The following MEN1 variants were observed in gnomAD, a reference collection of about 807,000 sequenced individuals.
MEN1 encodes the protein menin.
In MEN1, 6 loss-of-function variants were observed where a neutral mutation model predicts 58.0. The ratio of observed to expected loss-of-function variants is 0.10; its 90% confidence interval spans 0.06 to 0.20. The LOEUF (loss-of-function observed/expected upper bound fraction) is 0.20, where lower values mean the gene tolerates loss of function less well. MEN1 is among the 10% of genes least tolerant of loss of function. The pLI is 1.00. For synonymous variants in MEN1, 346 were observed against 350.7 expected, an observed-to-expected ratio of 0.99 and a Z score of 0.15; for missense variants, 492 against 818.5, an observed-to-expected ratio of 0.60 and a Z score of 4.87.
Position 64,805,871 on chromosome 11 carries a change from G to A in MEN1, c.1050-101C>T, listed in dbSNP as rs1592641451. 29 of 1,195,516 alleles carry A rather than the reference G, an allele frequency of 2.4e-5. No individual in the cohort carries two copies. The East Asian group carries it at 6.5e-4, about 27-fold the overall frequency. 74.1% of individuals were successfully genotyped at this position (1,195,516 alleles called of 1,614,324 possible). A position where few individuals can be genotyped will look rare whatever the true frequency, so the allele number is the denominator to read the frequency against. ...GATGGAGCCCCCAGGGGCTGGGGGA[G>A]TAGGTGGGGTCCTCACTGCAAAATG... On this transcript the variant is annotated intron_variant, in intron 7 of 9. Transcript: ENST00000450708.
intron 6 of MEN1, 24 bp from the exon 7 acceptor site, chr11:64,806,392 TC>T (rs1255484292): frequency 6.2e-7 from 1 of 1,613,848 alleles, no homozygotes; most frequent in Non-Finnish European, 8.5e-7. Context: ...AGGCAGAGGA[TC>T]CTCAGGGAGG....
At position 64,807,714 on chromosome 11, in the gene MEN1, T is replaced by C; in HGVS notation, c.655-34A>G. The C allele has an allele frequency of 6.2e-7, 1 of 1,614,030 alleles. No individual in the cohort carries two copies. The highest frequency in any genetic ancestry group is 8.5e-7 in the Non-Finnish European group (1 of 1,180,024). On this transcript the variant is annotated intron_variant, in intron 3 of 9. Transcript: ENST00000450708. The surrounding 1 kb of genome is among the most constrained non-coding windows in gnomAD (Gnocchi z 4.9). ...GGGATGAGATCATTATGTCTCATGA[T>C]GGCCCACCCTGTGCCTGCTTCAGGG...
chr11:64,810,889 G>A (rs1942075852), upstream of MEN1: 2 of 152,170 alleles, frequency 1.3e-5, no homozygotes, highest in African/African-American at 4.8e-5. Context: ...CAAGTTATGA[G>A]GAAAAAGATC....
At chr11:64,808,789 CA>C (rs920887498) in intron 2 of MEN1, among the ~76,000 whole-genome samples, 102 of 149,790 alleles carry the variant, frequency 6.8e-4, no homozygotes, top group African/African-American at 2.3e-3. Flanking sequence ...ACTAAAAATC[CA>C]AAAAAAAATT....
At position 64,804,103 on chromosome 11, in the gene MEN1, G is replaced by A. The variant is rs1297435677; in HGVS notation, c.*231C>T. On this transcript the variant is annotated 3_prime_UTR_variant, in exon 10 of 10. Transcript: ENST00000450708. This position sits in a 1 kb window ranked among gnomAD's most constrained non-coding sequence, Gnocchi z 4.2. ...ACCCAGCGTGAGGTTTCCATTGGCCGGCTGGGATTCTGGGAGAAGAGACCT... is the reference window on the plus strand; with the variant it reads ...ACCCAGCGTGAGGTTTCCATTGGCCAGCTGGGATTCTGGGAGAAGAGACCT... 7 of 583,036 alleles carry A rather than the reference G, an allele frequency of 1.2e-5. No individual in the cohort carries two copies. The East Asian group carries it at 1.8e-4, about 15-fold the overall frequency. 36.1% of individuals were successfully genotyped at this position (583,036 alleles called of 1,614,324 possible).
At chr11:64,805,801 T>C (rs1397181342) in intron 7 of MEN1, 31 bp from the exon 8 acceptor site, 2 of 1,613,664 alleles carry the variant, frequency 1.2e-6, no homozygotes, top group African/African-American at 1.3e-5. Context: ...CTGTAGGGTC[T>C]GAAGGGGTCT....
At chr11:64,809,166 A>G (rs1941944356) in intron 2 of MEN1, among the ~76,000 whole-genome samples, 1 of 144,114 alleles carries the variant, frequency 6.9e-6, no homozygotes, top group South Asian at 2.3e-4. Context: ...CAGGAGGCTG[A>G]GGTTGGAGGA....
rs2136095064 is a variant in MEN1 at position 64,804,834 on chromosome 11, G to A, written c.1351-18C>T. ...TGCCGCACCTGGGCCAGTGGGGAGAGCAAGGTGAGAGCAAGGTTGCCGGCC... is the reference window on the plus strand; with the variant it reads ...TGCCGCACCTGGGCCAGTGGGGAGAACAAGGTGAGAGCAAGGTTGCCGGCC... On this transcript the variant is annotated intron_variant, in intron 9 of 9. Coordinates refer to ENST00000450708, the MANE Select transcript of MEN1 (RefSeq NM_001370259.2). The surrounding 1 kb of genome is among the most constrained non-coding windows in gnomAD (Gnocchi z 4.2). 6.3e-7 allele frequency: 1 copy of A among 1,596,676 alleles called. No individual in the cohort carries two copies. Among genetic ancestry groups the A allele is most frequent in the East Asian group, 2.2e-5 (1 of 44,828 alleles).
chr11:64,810,047 G>A lies in MEN1; in HGVS notation c.63C>T (p.Arg21=), dbSNP rs1018289242. 1.2e-6 allele frequency: 2 copies of A among 1,610,008 alleles called. No individual in the cohort carries two copies. The highest frequency in any genetic ancestry group is 1.7e-6 in the Non-Finnish European group (2 of 1,178,490). The change falls in exon 2 of 10, where the codon CGC becomes CGT. Residue 21 remains arginine (R), a synonymous_variant. Coordinates refer to ENST00000450708, the MANE Select transcript of MEN1 (RefSeq NM_001370259.2). ...FPLRSIDDVV[R]LFAAELGREE... ...CTCGGCCCAGCTCGGCAGCAAACAGGCGCACCACGTCGTCGATGGAGCGCA... is the reference window on the plus strand; with the variant it reads ...CTCGGCCCAGCTCGGCAGCAAACAGACGCACCACGTCGTCGATGGAGCGCA...
chr11:64,805,737 G>A lies in MEN1; in HGVS notation c.1083C>T (p.Tyr361=), dbSNP rs1168237114. ...CATTGGCTACTTCAAAGAACTCCTT[G>A]TAGATCTCCTCGTCTTCCCGGCAGT... ...YNYCREDEEI[Y]KEFFEVANDV... The change falls in exon 8 of 10, where the codon TAC becomes TAT. Residue 361 remains tyrosine, a synonymous_variant. Coordinates refer to ENST00000450708, the MANE Select transcript of MEN1 (RefSeq NM_001370259.2). 8 of 1,614,196 alleles carry A rather than the reference G, an allele frequency of 5.0e-6. No individual in the cohort carries two copies. Among genetic ancestry groups the A allele is most frequent in the Non-Finnish European group, 6.8e-6 (8 of 1,180,018 alleles).
rs1941625647 is a variant in MEN1, at chr11:64,805,181, AC to A, written c.1202del (p.Gly401ValfsTer44). ...AGCACTCAGGGTCCTGGAGGGCGGA[AC>A]CTTGGCTCTGGGTGCCCTGGACGAG... ...GEQSQGTQSQ[G>X]SALQDPECFA... On this transcript the variant is annotated frameshift_variant, in exon 9 of 10. Coordinates refer to ENST00000450708, the MANE Select transcript of MEN1 (RefSeq NM_001370259.2). LOFTEE classifies it high-confidence loss of function. 1 of 1,613,762 alleles carries A rather than the reference AC, an allele frequency of 6.2e-7. No homozygotes were observed. Among genetic ancestry groups the A allele is most frequent in the Non-Finnish European group, 8.5e-7 (1 of 1,179,992 alleles).
chr11:64,807,736 A>C lies in MEN1; in HGVS notation c.655-56T>G. ...TGATGGCCCACCCTGTGCCTGCTTC[A>C]GGGAATGACAGCCAGGAAAAGGGGC... is the stretch of plus-strand genomic sequence containing the variant. On this transcript the variant is annotated intron_variant, in intron 3 of 9. Transcript: ENST00000450708. This position sits in a 1 kb window ranked among gnomAD's most constrained non-coding sequence, Gnocchi z 4.9. 1 of 1,613,664 alleles carries C rather than the reference A, an allele frequency of 6.2e-7. No individual in the cohort carries two copies. The highest frequency in any genetic ancestry group is 1.1e-5 in the South Asian group (1 of 91,036).
At chr11:64,809,570 T>C in intron 2 of MEN1, 95 bp downstream of exon 2, 1 of 1,487,466 alleles carries the variant, frequency 6.7e-7, no homozygotes, top group Non-Finnish European at 9.2e-7. Context: ...CTGCCGAACC[T>C]CACAAGGCTT....
chr11:64,810,325 C>G (rs1462029814), intron 1 of MEN1, 189 bp downstream of exon 1: 15 of 590,910 alleles, frequency 2.5e-5, no homozygotes, highest in Non-Finnish European at 4.2e-5. Context: ...GCCTTTTTGT[C>G]CCCCACAATT....
intron 7 of MEN1, 45 bp from the exon 8 acceptor site, chr11:64,805,815 C>T: frequency 6.2e-7 from 1 of 1,612,454 alleles, no homozygotes; most frequent in Non-Finnish European, 8.5e-7. Context: ...GGGGTCTCAC[C>T]ATCGGGGGTA....
At chr11:64,810,691 T>A (rs1036478080), upstream of MEN1, 1 of 153,254 alleles carries the variant, frequency 6.5e-6, no homozygotes, top group Non-Finnish European at 1.5e-5. Flanking sequence ...GCTTCTGGGA[T>A]CTCTAGGTCC....
intron 1 of MEN1, 73 bp from the exon 2 acceptor site, chr11:64,810,205 T>G: frequency 2.1e-6 from 2 of 949,822 alleles, no homozygotes; most frequent in Non-Finnish European, 3.1e-6. Context: ...TCCGCTAAGG[T>G]TCCACCCGCC....
In MEN1 at chr11:64,807,830, CCTTGGGTGG is replaced by C; in HGVS notation, c.654+52_654+60del. 1 of 1,606,758 alleles carries C rather than the reference CCTTGGGTGG, an allele frequency of 6.2e-7. No homozygotes were observed. Among genetic ancestry groups the C allele is most frequent in the Admixed American group, 1.7e-5 (1 of 59,916 alleles). Reference sequence around the variant, plus strand: ...GGGTGTGGCCCAAGAAAATGGAGTCCCTTGGGTGGCTTGGGCTACTACAGTATGAAGGGG... The same window carrying C: ...GGGTGTGGCCCAAGAAAATGGAGTCCCTTGGGCTACTACAGTATGAAGGGG... On this transcript the variant is annotated intron_variant, in intron 3 of 9. Coordinates refer to ENST00000450708, the MANE Select transcript of MEN1 (RefSeq NM_001370259.2). This position sits in a 1 kb window ranked among gnomAD's most constrained non-coding sequence, Gnocchi z 4.9.
Position 64,809,846 on chromosome 11 carries a change from G to A in MEN1, c.264C>T (p.Ala88=), listed in dbSNP as rs754098190. Reference sequence around the variant, plus strand: ...TCTGGGCGGTGAAGCGGGCATAGAGGGCGGCGATGATAGACAGGTCGGCCA... The same window carrying A: ...TCTGGGCGGTGAAGCGGGCATAGAGAGCGGCGATGATAGACAGGTCGGCCA... ...FPVADLSIIA[A]LYARFTAQIR... is the part of the protein sequence containing the mutation. The change falls in exon 2 of 10, where the codon GCC becomes GCT. Residue 88 remains alanine (A), a synonymous_variant. Coordinates refer to ENST00000450708, the MANE Select transcript of MEN1 (RefSeq NM_001370259.2). 1 of 1,613,016 alleles carries A rather than the reference G, an allele frequency of 6.2e-7. No individual in the cohort carries two copies. The highest frequency in any genetic ancestry group is 1.1e-5 in the South Asian group (1 of 91,014).
Sources: allele counts gnomAD v4.1 joint callset (sites outside exome capture counted in the v4.1 genomes callset), GRCh38; gene constraint gnomAD v4.1.1; non-coding constraint Gnocchi (gnomAD v3.1); transcripts MANE v1.5; gene names NCBI Gene and HGNC (gene_info 2026-07-23, HGNC 2026-07-21).